MYO3A: variants seen among roughly 807,000 people sequenced by gnomAD.
MYO3A encodes myosin IIIA.
A neutral mutation model predicts 192.7 loss-of-function variants in MYO3A; 180 were observed. That is an observed-to-expected ratio of 0.93 (90% confidence interval 0.83 to 1.06). MYO3A has a LOEUF of 1.06. Ranked by LOEUF, MYO3A falls within the 50% of genes least tolerant of loss-of-function variation. The pLI, the probability that MYO3A is intolerant of heterozygous loss-of-function variation, is 0.00. For missense variants in MYO3A, 1,896 were observed against 1,905.0 expected (o/e 1.00, Z 0.09); for synonymous variants, 628 against 645.3 (o/e 0.97, Z 0.41).
intron 6 of MYO3A, among the ~76,000 whole-genome samples, chr10:25,999,043 G>A (rs564372128): frequency 6.6e-5 from 10 of 152,052 alleles, no homozygotes; most frequent in South Asian, 4.2e-4. Context: ...GACTACAGGC[G>A]CCCACCACCA....
intron 6 of MYO3A, among the ~76,000 whole-genome samples, chr10:26,001,916 G>A (rs1225782847): frequency 6.6e-6 from 1 of 152,200 alleles, no homozygotes; most frequent in Non-Finnish European, 1.5e-5. Context: ...GGGCCCAGGA[G>A]TTCGAGGCTG....
intron 27 of MYO3A, among the ~76,000 whole-genome samples, chr10:26,166,462 A>G (rs1348570231): frequency 6.6e-6 from 1 of 152,222 alleles, no homozygotes; most frequent in East Asian, 1.9e-4. Flanking sequence ...GAATGGCTTG[A>G]GCCCAGGAGT....
Position 26,128,392 on chromosome 10 carries a change from G to C in MYO3A, c.2116G>C (p.Gly706Arg). Residue 706 changes from glycine (G) to arginine (R), a missense_variant and splice_region_variant, in exon 20 of 35, where the codon GGG becomes CGG. Transcript: ENST00000642920. The stretch of plus-strand genomic sequence containing the variant: ...ATAATGCCTCTTCAATTCTTCTAGT[G>C]GGAATGGTGATGAGCTGAGCATTGG... ...SLLKHDSSPSGNGDELSIGIL... is the reference protein window; with the variant it reads ...SLLKHDSSPSRNGDELSIGIL... The C allele has an allele frequency of 6.2e-7, 1 of 1,612,778 alleles. No individual in the cohort carries two copies. Among genetic ancestry groups the C allele is most frequent in the Non-Finnish European group, 8.5e-7 (1 of 1,179,058 alleles).
chr10:26,096,156 G>A (rs186107071), intron 15 of MYO3A, among the ~76,000 whole-genome samples: 4 of 152,322 alleles, frequency 2.6e-5, no homozygotes, highest in Admixed American at 6.5e-5. Context: ...ACTCACGAAT[G>A]TATACTGAAT....
At chr10:26,101,251 G>A (rs189796440) in intron 17 of MYO3A, among the ~76,000 whole-genome samples, 82 of 152,120 alleles carry the variant, frequency 5.4e-4, no homozygotes, top group Admixed American at 4.8e-3. Context: ...TTTGCTTGGT[G>A]GATCTTCCTC....
At chr10:26,007,352 A>G (rs1375479142) in intron 6 of MYO3A, among the ~76,000 whole-genome samples, 6,824 of 140,004 alleles carry the variant, frequency 0.049, 328 homozygotes, top group African/African-American at 0.12. Flanking sequence ...CACCACTCCT[A>G]TTCAACATAG....
intron 27 of MYO3A, among the ~76,000 whole-genome samples, chr10:26,167,962 A>C (rs1841843717): frequency 6.6e-6 from 1 of 152,372 alleles, no homozygotes; most frequent in East Asian, 1.9e-4. Flanking sequence ...GAAAACAAAC[A>C]AAAAACAAGC....
intron 14 of MYO3A, among the ~76,000 whole-genome samples, chr10:26,082,511 G>A (rs1836024230): frequency 6.6e-6 from 1 of 152,124 alleles, no homozygotes; most frequent in Non-Finnish European, 1.5e-5. Context: ...GTAGGATCAT[G>A]TTATCTGCAA....
rs1401845047 is a variant in MYO3A, at chr10:26,166,167, G to A, written c.3100G>A (p.Gly1034Arg). Residue 1034 changes from glycine to arginine, a missense_variant, in exon 27 of 35, where the codon GGA (glycine) becomes AGA (arginine). Gly to Arg is a moderately radical substitution (Grantham distance 125). Coordinates refer to ENST00000642920, the MANE Select transcript of MYO3A (RefSeq NM_017433.5). ...EKAGLDNWALGKTKVFLKYYH... is the reference protein window; with the variant it reads ...EKAGLDNWALRKTKVFLKYYH... ...AGCTGGTCTCGATAACTGGGCTCTT[G>A]GAAAAACAAAAGTAATGTTTTCATG... The A allele has an allele frequency of 6.2e-7, 1 of 1,611,714 alleles. No individual in the cohort carries two copies. The highest frequency in any genetic ancestry group is 1.1e-5 in the South Asian group (1 of 91,008).
chr10:25,954,235 T>C (rs1837392583), intron 3 of MYO3A, among the ~76,000 whole-genome samples: 1 of 152,146 alleles, frequency 6.6e-6, no homozygotes, highest in African/African-American at 2.4e-5. Flanking sequence ...GGCTTTCTCT[T>C]ATTTATTGCT....
chr10:25,993,196 T>G (rs901857507), intron 4 of MYO3A, among the ~76,000 whole-genome samples: 2 of 152,216 alleles, frequency 1.3e-5, no homozygotes, highest in Admixed American at 1.3e-4. Context: ...AGCCTGTTAT[T>G]GGTCTATTCA....
chr10:26,078,819 A>G (rs1835754639), intron 14 of MYO3A, among the ~76,000 whole-genome samples: 2 of 151,998 alleles, frequency 1.3e-5, no homozygotes, highest in Non-Finnish European at 2.9e-5. Flanking sequence ...ATGATTTTGA[A>G]GGTTTCTTTT....
intron 18 of MYO3A, among the ~76,000 whole-genome samples, chr10:26,122,965 A>G (rs1409548712): frequency 6.6e-6 from 1 of 152,220 alleles, no homozygotes; most frequent in Non-Finnish European, 1.5e-5. Flanking sequence ...TCCAAAGTAT[A>G]TTACCAAAAA....
chr10:26,023,080 T>C (rs1222320472), intron 8 of MYO3A: 1 of 152,212 alleles, frequency 6.6e-6, no homozygotes, highest in Non-Finnish European at 1.5e-5. Flanking sequence ...ACAACATTTC[T>C]GGAGAAAAGA....
rs1015975067 is a variant in MYO3A at position 26,016,733 on chromosome 10, T to C, written c.509-87T>C. On this transcript the variant is annotated intron_variant, in intron 6 of 34. Coordinates refer to ENST00000642920, the MANE Select transcript of MYO3A (RefSeq NM_017433.5). Reference sequence around the variant, plus strand: ...CAGGTTTGAGGAAATGGAATTTTAATATTAGTTTGCAAAAAAGATTATAGC... The same window carrying C: ...CAGGTTTGAGGAAATGGAATTTTAACATTAGTTTGCAAAAAAGATTATAGC... The C allele has an allele frequency of 5.6e-6, 7 of 1,258,552 alleles. No homozygotes were observed. In the African/African-American group the frequency reaches 1.0e-4, roughly 19 times the overall value. 78.0% of individuals were successfully genotyped at this position (1,258,552 alleles called of 1,614,324 possible).
intron 4 of MYO3A, among the ~76,000 whole-genome samples, chr10:25,983,458 C>T (rs1317257531): frequency 1.3e-5 from 2 of 151,952 alleles, no homozygotes; most frequent in South Asian, 2.1e-4. Flanking sequence ...GGGGTTTCAC[C>T]GTGTTATCCA....
intron 14 of MYO3A, among the ~76,000 whole-genome samples, chr10:26,071,843 A>ATGGCTAAAT (rs1292128304): frequency 1.3e-5 from 2 of 152,192 alleles, no homozygotes; most frequent in Admixed American, 1.3e-4. Context: ...AATGGCTAAA[A>ATGGCTAAAT]TGGCTAGTGT....
intron 4 of MYO3A, among the ~76,000 whole-genome samples, chr10:25,978,558 GA>G (rs1219678068): frequency 6.6e-6 from 1 of 152,132 alleles, no homozygotes; most frequent in Non-Finnish European, 1.5e-5. Context: ...CATGGAAATT[GA>G]AGATGAGATT....
At chr10:25,981,939 C>CA (rs1396670518) in intron 4 of MYO3A, among the ~76,000 whole-genome samples, 1 of 152,108 alleles carries the variant, frequency 6.6e-6, no homozygotes, top group Non-Finnish European at 1.5e-5. Flanking sequence ...CCTGAGATGC[C>CA]AAAAAACTGT....
Sources: allele counts gnomAD v4.1 joint callset (sites outside exome capture counted in the v4.1 genomes callset), GRCh38; gene constraint gnomAD v4.1.1; transcripts MANE v1.5; gene names NCBI Gene and HGNC (gene_info 2026-07-23, HGNC 2026-07-21).